MGLL: variants seen among roughly 807,000 people sequenced by gnomAD.
MGLL encodes lysophospholipase homolog.
MGLL carries 7 observed loss-of-function variants against 29.1 expected under a neutral mutation model. The observed-to-expected ratio is 0.24, with a 90% CI of 0.14 to 0.45. The LOEUF is 0.45. Among genes scored for constraint, MGLL ranks in the 20% least tolerant of loss-of-function variants. The probability of loss-of-function intolerance (pLI) is 0.99; values close to 1 mark genes in which losing one functional copy is unlikely to be tolerated. For missense variants in MGLL, 356 were observed against 413.6 expected (o/e 0.86, Z 1.21); for synonymous variants, 148 against 168.3 (o/e 0.88, Z 0.93).
At chr3:127,719,188 G>A (rs927478711) in intron 5 of MGLL, among the ~76,000 whole-genome samples, 17 of 152,224 alleles carry the variant, frequency 1.1e-4, no homozygotes, top group Admixed American at 8.5e-4. Flanking sequence ...TCCCCTGGTC[G>A]GTATAGAGCC....
At chr3:127,707,856 C>T (rs2075632990) in intron 6 of MGLL, among the ~76,000 whole-genome samples, 1 of 152,240 alleles carries the variant, frequency 6.6e-6, no homozygotes. Flanking sequence ...GAAGAGAGCC[C>T]ACTAGCAGTC....
At chr3:127,694,269 GAAAAAAA>G in intron 7 of MGLL, among the ~76,000 whole-genome samples, 1 of 67,626 alleles carries the variant, frequency 1.5e-5, no homozygotes, top group South Asian at 5.6e-4. Context: ...TACTCTGTCT[GAAAAAAA>G]AAAAAAAAAA....
intron 3 of MGLL, among the ~76,000 whole-genome samples, chr3:127,732,722 G>A (rs1457055402): frequency 2.6e-5 from 4 of 152,190 alleles, no homozygotes. Flanking sequence ...TTCTTCTGAA[G>A]ACTTCACAAA....
intron 3 of MGLL, among the ~76,000 whole-genome samples, chr3:127,778,451 A>T (rs961890491): frequency 2.6e-5 from 4 of 152,212 alleles, no homozygotes; most frequent in Admixed American, 1.3e-4. Context: ...GAGAAAATTA[A>T]GACTGGGGAT....
intron 3 of MGLL, among the ~76,000 whole-genome samples, chr3:127,776,705 T>C (rs1046891206): frequency 7.9e-5 from 12 of 152,224 alleles, no homozygotes; most frequent in African/African-American, 2.9e-4. Context: ...CTCTGCTCAT[T>C]GAGGGGACCC....
chr3:127,721,253 T>G (rs1011274531), intron 4 of MGLL, 90 bp from the exon 5 acceptor site: 8 of 1,155,280 alleles, frequency 6.9e-6, no homozygotes, highest in African/African-American at 1.5e-5. Flanking sequence ...CCTCTTAAGC[T>G]GCAGTCCTGG....
chr3:127,817,294 C>T (rs2077774616), intron 2 of MGLL, among the ~76,000 whole-genome samples: 1 of 152,184 alleles, frequency 6.6e-6, no homozygotes, highest in African/African-American at 2.4e-5. Flanking sequence ...GGCTGGCCTC[C>T]CAGTCGTGTG....
In MGLL at chr3:127,731,936, T is replaced by C. The variant is rs117824817; in HGVS notation, c.263-9370A>G. On this transcript the variant is annotated intron_variant, in intron 3 of 7. Coordinates refer to ENST00000265052, the MANE Select transcript of MGLL (RefSeq NM_007283.7). Reference sequence around the variant, plus strand: ...CCAGCACTGCATTCGATGCGAAGTATAATAAATTCGTGATAATCCTTTGTT... The same window carrying C: ...CCAGCACTGCATTCGATGCGAAGTACAATAAATTCGTGATAATCCTTTGTT... 4.2e-4 allele frequency among the ~76,000 whole-genome samples: 64 copies of C among 152,358 alleles called. No homozygotes were observed. In the East Asian group the frequency reaches 0.011, roughly 27 times the overall value.
chr3:127,764,830 G>C (rs759806014), intron 3 of MGLL, among the ~76,000 whole-genome samples: 3 of 152,082 alleles, frequency 2.0e-5, no homozygotes, highest in Non-Finnish European at 4.4e-5. Context: ...TATTTATGGA[G>C]TACTCTCTGT....
At chr3:127,707,113 T>C (rs2075618715) in intron 6 of MGLL, among the ~76,000 whole-genome samples, 1 of 152,118 alleles carries the variant, frequency 6.6e-6, no homozygotes, top group South Asian at 2.1e-4. Context: ...GAATATAAAC[T>C]AGCAGATGCG....
At chr3:127,785,301 G>A (rs2077194202) in intron 2 of MGLL, among the ~76,000 whole-genome samples, 1 of 152,142 alleles carries the variant, frequency 6.6e-6, no homozygotes, top group Admixed American at 6.5e-5. Context: ...TTCCTGCCCT[G>A]TTGCCACGAA....
intron 6 of MGLL, among the ~76,000 whole-genome samples, chr3:127,706,831 G>T (rs1220932171): frequency 6.6e-6 from 1 of 152,220 alleles, no homozygotes; most frequent in Non-Finnish European, 1.5e-5. Flanking sequence ...GTGTCCTGGG[G>T]ACAGTGTGGG....
rs561430676 is a variant in MGLL, at chr3:127,785,873, A to AG, written c.156-3979dup. Among the ~76,000 whole-genome samples the AG allele has an allele frequency of 4.7e-3, 712 of 152,294 alleles. 4 individuals carry two copies. The highest frequency in any genetic ancestry group is 8.1e-3 in the Non-Finnish European group (553 of 68,018). On this transcript the variant is annotated intron_variant, in intron 2 of 7. Transcript: ENST00000265052. ...TGTGAGGAGCACTGTGAGCACCATG[A>AG]GGGGGTCGACAGATAAGGGAGCCCA...
chr3:127,787,854 C>T (rs73862352), intron 2 of MGLL, among the ~76,000 whole-genome samples: 6 of 152,170 alleles, frequency 3.9e-5, no homozygotes, highest in Admixed American at 3.9e-4. Flanking sequence ...GTCTGCCGTC[C>T]GGGCTGCGTG....
Position 127,785,976 on chromosome 3 carries a change from TG to T in MGLL, c.156-4082del, listed in dbSNP as rs572421323. Among the ~76,000 whole-genome samples, 12 of 152,314 alleles carry T rather than the reference TG, an allele frequency of 7.9e-5. No homozygotes were observed. In the South Asian group the frequency reaches 2.5e-3, roughly 32 times the overall value. ...CCTGAGTGTCTGAGTGGCTGGGAGCTGTCCTGGTGCAGGAGTCCTGCTGGGG... is the reference window on the plus strand; with the variant it reads ...CCTGAGTGTCTGAGTGGCTGGGAGCTTCCTGGTGCAGGAGTCCTGCTGGGG... On this transcript the variant is annotated intron_variant, in intron 2 of 7. Transcript: ENST00000265052.
chr3:127,809,405 C>T (rs994881238), intron 2 of MGLL, among the ~76,000 whole-genome samples: 18 of 152,078 alleles, frequency 1.2e-4, no homozygotes, highest in African/African-American at 3.6e-4. Flanking sequence ...GAGATAGGAT[C>T]ATTTGAGCCT....
At chr3:127,769,180 C>T (rs1165126204) in intron 3 of MGLL, among the ~76,000 whole-genome samples, 5 of 151,974 alleles carry the variant, frequency 3.3e-5, no homozygotes, top group East Asian at 1.9e-4. Context: ...GGTGAAACCC[C>T]GTCTTTACTA....
intron 3 of MGLL, among the ~76,000 whole-genome samples, chr3:127,741,235 G>A (rs567805779): frequency 6.6e-6 from 1 of 152,360 alleles, no homozygotes; most frequent in African/African-American, 2.4e-5. Flanking sequence ...GAGACACAGT[G>A]GGGTGGAGTG....
At chr3:127,731,384 C>T (rs2076147422) in intron 3 of MGLL, among the ~76,000 whole-genome samples, 1 of 150,274 alleles carries the variant, frequency 6.7e-6, no homozygotes, top group South Asian at 2.1e-4. Context: ...TTTAAAGAAC[C>T]CTGCTTTGCA....
Sources: gnomAD v4.1 joint callset for allele counts (sites outside exome capture counted in the v4.1 genomes callset) on GRCh38, gnomAD v4.1.1 for gene constraint, MANE v1.5 for transcripts, NCBI Gene and HGNC (gene_info 2026-07-23, HGNC 2026-07-21) for gene names.